Variants in UBE3C observed in about 807,000 individuals in gnomAD.
UBE3C encodes ubiquitin protein ligase E3C.
A neutral mutation model predicts 129.4 loss-of-function variants in UBE3C; 42 were observed. The ratio of observed to expected loss-of-function variants is 0.32; its 90% confidence interval spans 0.25 to 0.42. The LOEUF is 0.42. UBE3C is among the 10% of genes least tolerant of loss of function. The pLI is 1.00. For synonymous variants in UBE3C, 510 were observed against 492.4 expected (o/e 1.04, Z -0.47); for missense variants, 1,049 against 1,319.1 (o/e 0.80, Z 3.17).
intron 13 of UBE3C, among the ~76,000 whole-genome samples, chr7:157,213,218 T>G (rs1436901488): frequency 6.6e-6 from 1 of 152,232 alleles, no homozygotes; most frequent in Admixed American, 6.5e-5. Context: ...GAACTTAAAA[T>G]CCACTAAAAT....
At chr7:157,212,850 C>A (rs750154293) in intron 13 of UBE3C, among the ~76,000 whole-genome samples, 2 of 152,146 alleles carry the variant, frequency 1.3e-5, no homozygotes, top group African/African-American at 2.4e-5. Context: ...CTCCACCCCC[C>A]AGGCTCAAGT....
chr7:157,152,711 G>A (rs926507929), intron 1 of UBE3C, among the ~76,000 whole-genome samples: 3 of 152,116 alleles, frequency 2.0e-5, no homozygotes, highest in African/African-American at 4.8e-5. Context: ...TTATCCGGAT[G>A]CTGTACGGCC....
At chr7:157,209,508 T>G (rs946413904) in intron 13 of UBE3C, among the ~76,000 whole-genome samples, 2 of 152,252 alleles carry the variant, frequency 1.3e-5, no homozygotes, top group African/African-American at 4.8e-5. Context: ...ATAAGCAGTC[T>G]CACCTATTTA....
At chr7:157,220,614 TTCTGTTCAAGTGTGA>T in intron 14 of UBE3C, 60 bp from the exon 15 acceptor site, 1 of 1,555,934 alleles carries the variant, frequency 6.4e-7, no homozygotes, top group Admixed American at 1.7e-5. Context: ...CCAGCACCAA[TTCTGTTCAAGTGTGA>T]TCAGGTCAAA....
chr7:157,171,660 TTATATA>T (rs201782129), intron 4 of UBE3C, among the ~76,000 whole-genome samples: 61 of 67,870 alleles, frequency 9.0e-4, no homozygotes, highest in East Asian at 4.6e-3. Flanking sequence ...TTTAAATATT[TTATATA>T]TATATATATA....
At chr7:157,144,415 G>A (rs1413108662) in intron 1 of UBE3C, among the ~76,000 whole-genome samples, 1 of 152,164 alleles carries the variant, frequency 6.6e-6, no homozygotes, top group Non-Finnish European at 1.5e-5. Context: ...TGGGAGACGG[G>A]GGAAACTTAA....
chr7:157,259,393 C>T (rs75981616), intron 22 of UBE3C, among the ~76,000 whole-genome samples: 2,840 of 152,286 alleles, frequency 0.019, 83 homozygotes, highest in African/African-American at 0.065. Flanking sequence ...AATGTGATGT[C>T]GCAGCCCCAC....
intron 22 of UBE3C, among the ~76,000 whole-genome samples, chr7:157,262,291 GAC>G (rs1245849529): frequency 6.7e-6 from 1 of 148,488 alleles, no homozygotes; most frequent in Admixed American, 6.8e-5. Context: ...GAAAAAAAAA[GAC>G]AATGGATTTT....
intron 22 of UBE3C, among the ~76,000 whole-genome samples, chr7:157,258,648 C>A (rs903940204): frequency 2.6e-5 from 4 of 151,960 alleles, no homozygotes; most frequent in Non-Finnish European, 5.9e-5. Flanking sequence ...TTAGTAGAGA[C>A]GGGGTTTCAC....
chr7:157,256,875 GC>G, intron 21 of UBE3C, 38 bp from the exon 22 acceptor site: 1 of 1,612,330 alleles, frequency 6.2e-7, no homozygotes, highest in East Asian at 2.2e-5. Context: ...GGGTGGGTGT[GC>G]TTTGCATTTC....
intron 13 of UBE3C, among the ~76,000 whole-genome samples, chr7:157,208,412 C>G (rs1809500325): frequency 6.6e-6 from 1 of 152,022 alleles, no homozygotes; most frequent in Admixed American, 6.6e-5. Flanking sequence ...AATTTTAGTA[C>G]TTTTGATTAA....
chr7:157,205,170 C>T (rs1003510420), intron 11 of UBE3C, among the ~76,000 whole-genome samples: 2 of 152,202 alleles, frequency 1.3e-5, no homozygotes, highest in Admixed American at 6.5e-5. Flanking sequence ...CAGCAGAGAA[C>T]TAAGAGACCT....
At chr7:157,209,696 A>G (rs1399451606) in intron 13 of UBE3C, among the ~76,000 whole-genome samples, 6 of 152,194 alleles carry the variant, frequency 3.9e-5, no homozygotes, top group Non-Finnish European at 8.8e-5. Flanking sequence ...GCATCTGTTG[A>G]GAGTTTCATA....
At chr7:157,258,839 G>A (rs1796825456) in intron 22 of UBE3C, among the ~76,000 whole-genome samples, 1 of 152,164 alleles carries the variant, frequency 6.6e-6, no homozygotes, top group South Asian at 2.1e-4. Context: ...GTATAGAAAA[G>A]TTGTGAGAAT....
chr7:157,243,418 T>C (rs1272014793), intron 18 of UBE3C, among the ~76,000 whole-genome samples: 1 of 152,214 alleles, frequency 6.6e-6, no homozygotes, highest in Admixed American at 6.5e-5. Context: ...GCAGAGTTGC[T>C]CTTTTTCTCT....
At chr7:157,166,598 G>A (rs1378531920) in intron 2 of UBE3C, among the ~76,000 whole-genome samples, 1 of 151,890 alleles carries the variant, frequency 6.6e-6, no homozygotes, top group Non-Finnish European at 1.5e-5. Flanking sequence ...AAATTACCCA[G>A]GCATGCTGGC....
At chr7:157,197,842 C>G in intron 10 of UBE3C, 1 of 1,611,420 alleles carries the variant, frequency 6.2e-7, no homozygotes, top group South Asian at 1.1e-5. Context: ...GGCACTGAAT[C>G]ATCAATAAGA....
rs77471740 is a variant in UBE3C, at chr7:157,171,686, ATTTTTT to A, written c.342+1269_342+1274del. ...TATATATATATATATATATATATATATTTTTTTTTTTTTTTTTTTTTTTTTTTTTTT... is the reference window on the plus strand; with the variant it reads ...TATATATATATATATATATATATATATTTTTTTTTTTTTTTTTTTTTTTTT... On this transcript the variant is annotated intron_variant, in intron 4 of 22. Transcript: ENST00000348165. 2.1e-4 allele frequency among the ~76,000 whole-genome samples: 8 copies of A among 37,566 alleles called. No individual in the cohort carries two copies. The South Asian group carries it at 3.0e-3, about 14-fold the overall frequency. 24.6% of individuals were successfully genotyped at this position (37,566 alleles called of 152,430 possible).
In UBE3C at chr7:157,248,323, G is replaced by A. The variant is rs369380173; in HGVS notation, c.2482-45G>A. 3 of 1,548,702 alleles carry A rather than the reference G, an allele frequency of 1.9e-6. No homozygotes were observed. In the African/African-American group the frequency reaches 4.1e-5, roughly 21 times the overall value. On this transcript the variant is annotated intron_variant, in intron 18 of 22. Transcript: ENST00000348165. ...AGCATATGGCTCTTTGTTTGTAGAAGGCTTGTATATTCGATGCTAACGTTG... is the reference window on the plus strand; with the variant it reads ...AGCATATGGCTCTTTGTTTGTAGAAAGCTTGTATATTCGATGCTAACGTTG...
Sources: allele counts gnomAD v4.1 joint callset (sites outside exome capture counted in the v4.1 genomes callset), GRCh38; gene constraint gnomAD v4.1.1; transcripts MANE v1.5; gene names NCBI Gene and HGNC (gene_info 2026-07-23, HGNC 2026-07-21).